The following ROBO1 variants were observed in gnomAD, a reference collection of about 807,000 sequenced individuals.
ROBO1 encodes roundabout homolog 1.
Under a neutral mutation model 195.9 loss-of-function variants are expected in ROBO1, and 149 were observed. The observed-to-expected ratio is 0.76, with a 90% CI of 0.67 to 0.87. The LOEUF is 0.87. Ranked by LOEUF, ROBO1 falls within the 40% of genes least tolerant of loss-of-function variation. The pLI, the probability that ROBO1 is intolerant of heterozygous loss-of-function variation, is 0.00. For missense variants in ROBO1, 1,933 were observed against 2,068.3 expected (o/e 0.93, Z 1.27); for synonymous variants, 816 against 733.2 (o/e 1.11, Z -1.82).
At chr3:79,485,697 G>T (rs147744276) in intron 2 of ROBO1, among the ~76,000 whole-genome samples, 2 of 152,290 alleles carry the variant, frequency 1.3e-5, no homozygotes, top group African/African-American at 2.4e-5. Context: ...GTAAGGCACA[G>T]AGAGGTCTTG....
intron 3 of ROBO1, among the ~76,000 whole-genome samples, chr3:79,007,412 G>A (rs537534380): frequency 3.3e-5 from 5 of 152,282 alleles, no homozygotes; most frequent in African/African-American, 1.2e-4. Context: ...CAGAAGGACA[G>A]AGAGACAGTG....
chr3:78,858,958 C>T (rs1459466670), intron 4 of ROBO1, among the ~76,000 whole-genome samples: 1 of 152,152 alleles, frequency 6.6e-6, no homozygotes, highest in Non-Finnish European at 1.5e-5. Flanking sequence ...TACCTCAGCA[C>T]ATATTCTGTG....
In ROBO1 at chr3:78,860,326, A is replaced by ATTTTTTT. The variant is rs1553750391; in HGVS notation, c.499+78268_499+78274dup. ...ACTATATATATATATATATATATAT[A>ATTTTTTT]TTTTTTTTTTTTTACTCATAAGGTG... On this transcript the variant is annotated intron_variant, in intron 4 of 30. Coordinates refer to ENST00000464233, the MANE Select transcript of ROBO1 (RefSeq NM_002941.4). 7.5e-4 allele frequency among the ~76,000 whole-genome samples: 70 copies of ATTTTTTT among 93,520 alleles called. 1 individual carries two copies. The highest frequency in any genetic ancestry group is 4.5e-3 in the East Asian group (15 of 3,318). The allele number at this position is 93,520 out of a possible 152,430, so 61.4% of individuals were successfully genotyped here. A position where few individuals can be genotyped will look rare whatever the true frequency, so the allele number is the denominator to read the frequency against.
At chr3:79,188,013 C>A (rs1225864054) in intron 2 of ROBO1, among the ~76,000 whole-genome samples, 2 of 151,864 alleles carry the variant, frequency 1.3e-5, no homozygotes, top group Non-Finnish European at 2.9e-5. Context: ...TGTGCTATTT[C>A]TCTGATAAAA....
intron 8 of ROBO1, among the ~76,000 whole-genome samples, chr3:78,706,190 A>G (rs1357469378): frequency 6.6e-6 from 1 of 152,044 alleles, no homozygotes; most frequent in East Asian, 1.9e-4. Flanking sequence ...GAGGATGCTT[A>G]TGTGAATCAA....
intron 3 of ROBO1, among the ~76,000 whole-genome samples, chr3:79,054,134 T>C (rs1254009725): frequency 1.3e-5 from 2 of 152,082 alleles, no homozygotes; most frequent in African/African-American, 2.4e-5. Flanking sequence ...ATCGGACTAA[T>C]GGCATTCTAA....
At position 79,421,737 on chromosome 3, in the gene ROBO1, A is replaced by C. The variant is rs367673279; in HGVS notation, c.88+168087T>G. 2.2e-3 allele frequency among the ~76,000 whole-genome samples: 336 copies of C among 152,324 alleles called. 1 individual carries two copies. The highest frequency in any genetic ancestry group is 7.6e-3 in the African/African-American group (317 of 41,572). On this transcript the variant is annotated intron_variant, in intron 2 of 30. Transcript: ENST00000464233. ...TTGACAATATTAAATGCAGGAATGC[A>C]AATAGATACATTAAAATATTGCTGA...
At chr3:78,994,325 T>C (rs1023862731) in intron 3 of ROBO1, among the ~76,000 whole-genome samples, 37 of 152,144 alleles carry the variant, frequency 2.4e-4, no homozygotes, top group African/African-American at 8.7e-4. Flanking sequence ...ATGGTGAGGA[T>C]GGAAGCATTT....
chr3:79,221,186 G>A (rs973310189), intron 2 of ROBO1, among the ~76,000 whole-genome samples: 3 of 152,030 alleles, frequency 2.0e-5, no homozygotes, highest in Non-Finnish European at 4.4e-5. Flanking sequence ...AAATAGTAAT[G>A]TCCTACAGAC....
At chr3:79,232,834 T>C (rs1400434647) in intron 2 of ROBO1, among the ~76,000 whole-genome samples, 4 of 152,108 alleles carry the variant, frequency 2.6e-5, no homozygotes, top group African/African-American at 9.7e-5. Context: ...TGTAAAAAGT[T>C]ACTTGAAGGT....
At position 79,475,844 on chromosome 3, in the gene ROBO1, T is replaced by C. The variant is rs137993253; in HGVS notation, c.88+113980A>G. Among the ~76,000 whole-genome samples, 148 of 152,212 alleles carry C rather than the reference T, an allele frequency of 9.7e-4. 1 individual carries two copies. The East Asian group carries it at 0.014, about 14-fold the overall frequency. ...TAAGGTATCATTAAGAGTTTGGCAA[T>C]TGGACTTTACTAGGGAGCTTGCTCC... On this transcript the variant is annotated intron_variant, in intron 2 of 30. Coordinates refer to ENST00000464233, the MANE Select transcript of ROBO1 (RefSeq NM_002941.4).
At chr3:79,122,753 A>G (rs2080143004) in intron 3 of ROBO1, among the ~76,000 whole-genome samples, 1 of 151,990 alleles carries the variant, frequency 6.6e-6, no homozygotes, top group Non-Finnish European at 1.5e-5. Flanking sequence ...AAAAAGGATA[A>G]TTAGGGGAAT....
intron 1 of ROBO1, among the ~76,000 whole-genome samples, chr3:79,721,111 T>C (rs1289076427): frequency 1.3e-5 from 2 of 152,178 alleles, no homozygotes; most frequent in African/African-American, 2.4e-5. Context: ...CTAAATTTAA[T>C]GAGAACTTGT....
rs71127382 is a variant in ROBO1 at position 79,395,340 on chromosome 3, A to AAAAGAAAG, written c.88+194476_88+194483dup. 2.0e-3 allele frequency among the ~76,000 whole-genome samples: 237 copies of AAAAGAAAG among 119,058 alleles called. 1 individual carries two copies. The highest frequency in any genetic ancestry group is 3.2e-3 in the East Asian group (12 of 3,804). The allele number at this position is 119,058 out of a possible 152,430, so 78.1% of individuals were successfully genotyped here. On this transcript the variant is annotated intron_variant, in intron 2 of 30. Coordinates refer to ENST00000464233, the MANE Select transcript of ROBO1 (RefSeq NM_002941.4). Reference sequence around the variant, plus strand: ...CCGTCTCAAAAAAAAAAAAAAAAAAAAAAGAAAGAAAGAAAGAAAGAAAGA... The same window carrying AAAAGAAAG: ...CCGTCTCAAAAAAAAAAAAAAAAAAAAAAGAAAGAAAGAAAGAAAGAAAGAAAGAAAGA...
At chr3:79,127,162 T>G (rs572337134) in intron 2 of ROBO1, among the ~76,000 whole-genome samples, 1 of 152,320 alleles carries the variant, frequency 6.6e-6, no homozygotes, top group African/African-American at 2.4e-5. Flanking sequence ...CCACTTTACC[T>G]TTCCGGCCCG....
chr3:79,149,836 C>T (rs560378382), intron 2 of ROBO1, among the ~76,000 whole-genome samples: 10 of 151,712 alleles, frequency 6.6e-5, no homozygotes, highest in African/African-American at 1.9e-4. Flanking sequence ...AACCCCAGTA[C>T]GTTAGGCCCT....
intron 3 of ROBO1, among the ~76,000 whole-genome samples, chr3:79,076,796 C>T (rs2079181444): frequency 6.6e-6 from 1 of 151,672 alleles, no homozygotes; most frequent in Non-Finnish European, 1.5e-5. Context: ...GAGGGACAAG[C>T]AGAGGTTGGA....
intron 2 of ROBO1, among the ~76,000 whole-genome samples, chr3:79,491,477 C>T (rs1464622361): frequency 3.3e-5 from 5 of 152,128 alleles, no homozygotes; most frequent in African/African-American, 9.7e-5. Flanking sequence ...TGAAATACGA[C>T]CCTGGCTCTA....
rs1201148589 is a variant in ROBO1, at chr3:79,727,362, C to A, written c.-51+40390G>T. Among the ~76,000 whole-genome samples the A allele has an allele frequency of 2.7e-5, 4 of 150,170 alleles. No individual in the cohort carries two copies. The South Asian group carries it at 8.4e-4, about 32-fold the overall frequency. ...AATATGATTAATTTTGTAGAATTTT[C>A]AAAAAAAAGGTGACAATAGAGGTGA... On this transcript the variant is annotated intron_variant, in intron 1 of 30. Coordinates refer to ENST00000464233, the MANE Select transcript of ROBO1 (RefSeq NM_002941.4).
Sources: allele counts gnomAD v4.1 joint callset (sites outside exome capture counted in the v4.1 genomes callset), GRCh38; gene constraint gnomAD v4.1.1; transcripts MANE v1.5; gene names NCBI Gene and HGNC (gene_info 2026-07-23, HGNC 2026-07-21).